The following ASTN2 variants were observed in gnomAD, a reference collection of about 807,000 sequenced individuals.
ASTN2 encodes astrotactin 2, also known as astrotactin-2.
ASTN2 carries 54 observed loss-of-function variants against 139.8 expected under a neutral mutation model. That is an observed-to-expected ratio of 0.39 (90% CI 0.31 to 0.48). The LOEUF (loss-of-function observed/expected upper bound fraction) is 0.48, where lower values mean the gene tolerates loss of function less well. Ranked by LOEUF, ASTN2 falls within the 20% of genes least tolerant of loss-of-function variation. ASTN2 has a pLI of 0.95. For synonymous variants in ASTN2, 756 were observed against 719.5 expected (o/e 1.05, Z -0.81); for missense variants, 1,565 against 1,725.1 (o/e 0.91, Z 1.64).
At chr9:116,609,098 C>T (rs541706504) in intron 19 of ASTN2, among the ~76,000 whole-genome samples, 1 of 151,828 alleles carries the variant, frequency 6.6e-6, no homozygotes, top group African/African-American at 2.4e-5. Context: ...TGAGTAACAA[C>T]TTAAAGTGAC....
At chr9:116,891,049 G>A (rs16934021) in intron 10 of ASTN2, among the ~76,000 whole-genome samples, 14,282 of 152,184 alleles carry the variant, frequency 0.094, 881 homozygotes, top group East Asian at 0.28. Flanking sequence ...CAAAGCAAAA[G>A]TTCTTAGAGC....
intron 10 of ASTN2, among the ~76,000 whole-genome samples, chr9:116,863,986 T>C (rs3747837): frequency 0.089 from 13,503 of 152,146 alleles, 659 homozygotes; most frequent in East Asian, 0.23. Flanking sequence ...TTCTTGGAGG[T>C]AGTCATGAGA....
chr9:116,709,268 G>A (rs1828076719), intron 16 of ASTN2, among the ~76,000 whole-genome samples: 1 of 152,172 alleles, frequency 6.6e-6, no homozygotes, highest in Non-Finnish European at 1.5e-5. Flanking sequence ...AAATACCATG[G>A]TGCTGGTAAA....
At chr9:116,706,716 C>T (rs1229456959) in intron 16 of ASTN2, among the ~76,000 whole-genome samples, 2 of 150,498 alleles carry the variant, frequency 1.3e-5, no homozygotes, top group East Asian at 2.0e-4. Flanking sequence ...CACTGCAGGG[C>T]TCTCCTCTTG....
intron 21 of ASTN2, among the ~76,000 whole-genome samples, chr9:116,441,545 A>C (rs957602914): frequency 6.6e-6 from 1 of 151,876 alleles, no homozygotes; most frequent in South Asian, 2.1e-4. Flanking sequence ...GTGTTATTTT[A>C]AAATAATATT....
chr9:117,412,007 TCC>T (rs145255224), intron 1 of ASTN2, among the ~76,000 whole-genome samples: 21 of 92,764 alleles, frequency 2.3e-4, no homozygotes, highest in Admixed American at 8.8e-4. Flanking sequence ...ACCTCACCCC[TCC>T]CCCCCCCAAC....
At chr9:116,925,370 C>T (rs904704933) in intron 10 of ASTN2, among the ~76,000 whole-genome samples, 16 of 152,176 alleles carry the variant, frequency 1.1e-4, no homozygotes, top group Admixed American at 5.9e-4. Flanking sequence ...GAATGCCCAC[C>T]TATCATGATA....
intron 10 of ASTN2, among the ~76,000 whole-genome samples, chr9:116,911,628 T>A (rs1275094367): frequency 6.6e-6 from 1 of 152,148 alleles, no homozygotes; most frequent in Non-Finnish European, 1.5e-5. Context: ...AGGTGGTTTA[T>A]GCGCGGTGGC....
At chr9:117,155,430 T>A (rs1216612720) in intron 3 of ASTN2, among the ~76,000 whole-genome samples, 1 of 151,956 alleles carries the variant, frequency 6.6e-6, no homozygotes. Context: ...TGGACGGGTC[T>A]TGAAGAATGC....
chr9:117,093,999 G>A (rs1564422702), intron 5 of ASTN2, among the ~76,000 whole-genome samples: 1 of 152,140 alleles, frequency 6.6e-6, no homozygotes, highest in African/African-American at 2.4e-5. Flanking sequence ...CACAAGAGCA[G>A]GAATTTTAAA....
chr9:117,036,987 T>C (rs1838401677), intron 6 of ASTN2, among the ~76,000 whole-genome samples: 1 of 152,176 alleles, frequency 6.6e-6, no homozygotes, highest in South Asian at 2.1e-4. Context: ...CTTGATTCAG[T>C]ATCTGTTGTG....
At chr9:116,686,606 C>A in intron 16 of ASTN2, 1 of 1,306,626 alleles carries the variant, frequency 7.7e-7, no homozygotes, top group Non-Finnish European at 1.1e-6. Context: ...CCCCAGATTC[C>A]CTCAAATCTC....
At chr9:116,502,374 A>C (rs1235843096) in intron 19 of ASTN2, among the ~76,000 whole-genome samples, 1 of 151,964 alleles carries the variant, frequency 6.6e-6, no homozygotes, top group Admixed American at 6.6e-5. Context: ...AGAGAACTAC[A>C]GCCAGAAAAT....
At chr9:116,426,847 A>T (rs1277135642) in intron 22 of ASTN2, among the ~76,000 whole-genome samples, 1 of 152,184 alleles carries the variant, frequency 6.6e-6, no homozygotes, top group Non-Finnish European at 1.5e-5. Flanking sequence ...AAGTTAAGTA[A>T]GAGAAATGCC....
At chr9:116,708,365 T>C (rs1383243138) in intron 16 of ASTN2, among the ~76,000 whole-genome samples, 1 of 152,242 alleles carries the variant, frequency 6.6e-6, no homozygotes, top group East Asian at 1.9e-4. Context: ...TTTTAATTCA[T>C]AGATTTGGCT....
At chr9:116,990,050 TAA>T (rs1225799801) in intron 7 of ASTN2, among the ~76,000 whole-genome samples, 1 of 152,174 alleles carries the variant, frequency 6.6e-6, no homozygotes, top group Non-Finnish European at 1.5e-5. Flanking sequence ...TGCTCTGCAG[TAA>T]AAATAACTTG....
At chr9:117,001,100 A>G (rs1482009594) in intron 7 of ASTN2, among the ~76,000 whole-genome samples, 1 of 152,148 alleles carries the variant, frequency 6.6e-6, no homozygotes, top group East Asian at 1.9e-4. Flanking sequence ...AATTATATAT[A>G]TGTTTCAGCT....
At chr9:116,915,867 A>T (rs1217432853) in intron 10 of ASTN2, among the ~76,000 whole-genome samples, 2 of 152,198 alleles carry the variant, frequency 1.3e-5, no homozygotes, top group African/African-American at 4.8e-5. Context: ...CAAATTATTG[A>T]ACCTGGATGG....
intron 10 of ASTN2, among the ~76,000 whole-genome samples, chr9:116,879,209 G>A (rs1408451270): frequency 6.6e-6 from 1 of 152,116 alleles, no homozygotes; most frequent in African/African-American, 2.4e-5. Context: ...CTACAATGAT[G>A]GGGTGATCTC....
Sources: gnomAD v4.1 joint callset for allele counts (sites outside exome capture counted in the v4.1 genomes callset) on GRCh38, gnomAD v4.1.1 for gene constraint, MANE v1.5 for transcripts, NCBI Gene and HGNC (gene_info 2026-07-23, HGNC 2026-07-21) for gene names.